Variants in GGACT observed in about 807,000 individuals in gnomAD.
GGACT encodes gamma-glutamylamine cyclotransferase.
For missense variants in GGACT, 241 were observed against 233.2 expected, an observed-to-expected ratio of 1.03 and a Z score of -0.22; for synonymous variants, 118 against 115.3, an observed-to-expected ratio of 1.02 and a Z score of -0.15.
chr13:100,539,614 G>T, intron 2 of GGACT: 1 of 458,408 alleles, frequency 2.2e-6, no homozygotes, highest in Non-Finnish European at 3.8e-6. Flanking sequence ...CTAGTGTGTT[G>T]TTTAGGATTT....
At chr13:100,575,223 G>A (rs1011413613) in intron 2 of GGACT, among the ~76,000 whole-genome samples, 10 of 152,170 alleles carry the variant, frequency 6.6e-5, no homozygotes, top group East Asian at 3.9e-4. Flanking sequence ...AGCAGTTAAC[G>A]GGTGAGGTTT....
intron 2 of GGACT, among the ~76,000 whole-genome samples, chr13:100,549,161 T>C (rs950802362): frequency 3.3e-5 from 5 of 152,020 alleles, no homozygotes; most frequent in African/African-American, 7.2e-5. Flanking sequence ...CAGCCAAACA[T>C]GGTGAAGCCC....
intron 2 of GGACT, among the ~76,000 whole-genome samples, chr13:100,555,769 G>A (rs1036830693): frequency 1.3e-5 from 2 of 152,160 alleles, no homozygotes; most frequent in African/African-American, 4.8e-5. Flanking sequence ...TCAACAATAT[G>A]TTAAAAGGAT....
rs2088455867 is a variant in GGACT, at chr13:100,534,013, A to G, written c.-10-1412T>C. Among the ~76,000 whole-genome samples the G allele has an allele frequency of 6.6e-6, 1 of 152,228 alleles. No individual in the cohort carries two copies. The highest frequency in any genetic ancestry group is 1.5e-5 in the Non-Finnish European group (1 of 68,040). On this transcript the variant is annotated intron_variant, in intron 2 of 2. Coordinates refer to ENST00000683975, the MANE Select transcript of GGACT (RefSeq NM_001195087.2). This position sits in a 1 kb window ranked among gnomAD's most constrained non-coding sequence, Gnocchi z 4.9. The stretch of plus-strand genomic sequence containing the variant: ...AGCAGCGGCTCGTGACCCGCCAGAA[A>G]TGGCCCCGGACACCACACTTGCCAC...
At chr13:100,572,348 A>C (rs1875112960) in intron 2 of GGACT, among the ~76,000 whole-genome samples, 1 of 152,254 alleles carries the variant, frequency 6.6e-6, no homozygotes, top group Non-Finnish European at 1.5e-5. Context: ...TAGAGTAGTC[A>C]AATTCATACA....
rs75005227 is a variant in GGACT at position 100,579,826 on chromosome 13, G to A, written c.-11+3999C>T. 9.2e-3 allele frequency among the ~76,000 whole-genome samples: 1,399 copies of A among 152,276 alleles called. 23 individuals carry two copies. Among genetic ancestry groups the A allele is most frequent in the African/African-American group, 0.032 (1,316 of 41,552 alleles). On this transcript the variant is annotated intron_variant, in intron 2 of 2. Transcript: ENST00000683975. ...GTCATTTAAAACTATGATTGAACACGTTTTGCTTTTCTATTGTTAATCTTT... is the reference window on the plus strand; with the variant it reads ...GTCATTTAAAACTATGATTGAACACATTTTGCTTTTCTATTGTTAATCTTT...
intron 2 of GGACT, chr13:100,538,439 G>A (rs988741134): frequency 2.0e-5 from 3 of 152,144 alleles, no homozygotes; most frequent in African/African-American, 7.2e-5. Context: ...TTTAAAAATT[G>A]TGATAAAATA....
chr13:100,540,583 A>C (rs2088543598), intron 2 of GGACT, among the ~76,000 whole-genome samples: 1 of 152,208 alleles, frequency 6.6e-6, no homozygotes, highest in Non-Finnish European at 1.5e-5. Flanking sequence ...CTCTTGGTTT[A>C]ACTGATTTTC....
chr13:100,563,607 G>A (rs1412404845), intron 2 of GGACT, among the ~76,000 whole-genome samples: 1 of 152,188 alleles, frequency 6.6e-6, no homozygotes, highest in East Asian at 1.9e-4. Context: ...CTTGAGCCTA[G>A]GAGTTTGAGT....
intron 2 of GGACT, among the ~76,000 whole-genome samples, chr13:100,565,751 G>T (rs1186377769): frequency 2.0e-5 from 3 of 152,106 alleles, no homozygotes; most frequent in Non-Finnish European, 4.4e-5. Context: ...GCCCCTGCCT[G>T]TCCAGCTGTG....
chr13:100,536,111 T>A (rs1442662384), intron 2 of GGACT: 1 of 152,252 alleles, frequency 6.6e-6, no homozygotes, highest in Non-Finnish European at 1.5e-5. Flanking sequence ...CTTCTAACTT[T>A]CCGAGTTCTT....
At chr13:100,563,316 C>T (rs1368577370) in intron 2 of GGACT, among the ~76,000 whole-genome samples, 1 of 151,696 alleles carries the variant, frequency 6.6e-6, no homozygotes, top group East Asian at 1.9e-4. Context: ...GCCAGGGGCT[C>T]GGGATGGAAG....
chr13:100,576,374 A>G (rs537634515), intron 2 of GGACT, among the ~76,000 whole-genome samples: 26 of 152,368 alleles, frequency 1.7e-4, no homozygotes, highest in African/African-American at 6.0e-4. Context: ...GGCATGGTGG[A>G]AAGTGTCTTA....
At chr13:100,565,066 G>A (rs537250782) in intron 2 of GGACT, among the ~76,000 whole-genome samples, 1 of 152,220 alleles carries the variant, frequency 6.6e-6, no homozygotes, top group Non-Finnish European at 1.5e-5. Context: ...TATTTCACAG[G>A]GGATGGCCGC....
At chr13:100,588,140 T>C (rs961311175) in intron 1 of GGACT, among the ~76,000 whole-genome samples, 4 of 152,350 alleles carry the variant, frequency 2.6e-5, no homozygotes, top group Non-Finnish European at 2.9e-5. Context: ...GCTTTTGAGC[T>C]TGTGGCGTTG....
In GGACT at chr13:100,585,937, G is replaced by A. The variant is rs542005212; in HGVS notation, c.-183-1940C>T. The stretch of plus-strand genomic sequence containing the variant: ...GAGGATGGCTTGAATCCAGGAGTTC[G>A]AGGTTACAGTGAGCCATGATCTCAG... On this transcript the variant is annotated intron_variant, in intron 1 of 2. Coordinates refer to ENST00000683975, the MANE Select transcript of GGACT (RefSeq NM_001195087.2). Among the ~76,000 whole-genome samples, 72 of 151,248 alleles carry A rather than the reference G, an allele frequency of 4.8e-4. 1 individual carries two copies. The South Asian group carries it at 0.014, about 29-fold the overall frequency.
At chr13:100,565,417 G>C (rs1462341922) in intron 2 of GGACT, among the ~76,000 whole-genome samples, 1 of 152,188 alleles carries the variant, frequency 6.6e-6, no homozygotes, top group East Asian at 1.9e-4. Context: ...GTGCTTACGA[G>C]ACGTAACTGA....
At chr13:100,561,885 GTGCCCAGCATGGGT>G (rs2088764004) in intron 2 of GGACT, among the ~76,000 whole-genome samples, 1 of 152,190 alleles carries the variant, frequency 6.6e-6, no homozygotes, top group South Asian at 2.1e-4. Context: ...GAGTATACAA[GTGCCCAGCATGGGT>G]GGGTTCAAGC....
Position 100,532,558 on chromosome 13 carries a change from G to A in GGACT, c.34C>T (p.Arg12Trp). 6 of 1,546,946 alleles carry A rather than the reference G, an allele frequency of 3.9e-6. No homozygotes were observed. Among genetic ancestry groups the A allele is most frequent in the East Asian group, 2.5e-5 (1 of 40,790 alleles). The change falls in exon 3 of 3, where the codon CGG (arginine) becomes TGG (tryptophan). Residue 12 changes from arginine (R) to tryptophan (W), a missense_variant. Arg to Trp is a moderately radical substitution (Grantham distance 101). Transcript: ENST00000683975. ...AGGACCCTGTGGTTGGGCTGACCCC[G>A]CTTCAGGGTGCCGTACACGAAGACT... ...ALVFVYGTLK[R>W]GQPNHRVLRD...
Sources: allele counts gnomAD v4.1 joint callset (sites outside exome capture counted in the v4.1 genomes callset), GRCh38; gene constraint gnomAD v4.1.1; non-coding constraint Gnocchi (gnomAD v3.1); transcripts MANE v1.5; gene names NCBI Gene and HGNC (gene_info 2026-07-23, HGNC 2026-07-21).